Variants in GABPB1 observed in about 807,000 individuals in gnomAD.
The protein encoded by GABPB1 is GA binding protein transcription factor subunit beta 1.
GABPB1 carries 15 observed loss-of-function variants against 45.9 expected under a neutral mutation model. The observed-to-expected ratio is 0.33, with a 90% CI of 0.22 to 0.50. The LOEUF (loss-of-function observed/expected upper bound fraction) is 0.50. GABPB1 is among the 20% of genes least tolerant of loss of function. The pLI is 0.98. For synonymous variants in GABPB1, 143 were observed against 154.4 expected (o/e 0.93, Z 0.55); for missense variants, 252 against 457.5 (o/e 0.55, Z 4.10).
At chr15:50,282,573 A>AAAAAAAAAAAAAAAAAAAAAAAAG (rs2046019671) in intron 8 of GABPB1, among the ~76,000 whole-genome samples, 1 of 150,940 alleles carries the variant, frequency 6.6e-6, no homozygotes, top group African/African-American at 2.4e-5. Context: ...AAAAAAAAAA[A>AAAAAAAAAAAAAAAAAAAAAAAAG]AACAGAGACG....
At position 50,275,599 on chromosome 15, in the gene GABPB1, C is replaced by A. The variant is rs1332823175; in HGVS notation, c.*3033G>T. ...TGTAGCTTTCATTACATGAGATTTC[C>A]CATTTATCCTCTTTTCTCTCTAATT... On this transcript the variant is annotated 3_prime_UTR_variant, in exon 9 of 9. Coordinates refer to ENST00000380877, the MANE Select transcript of GABPB1 (RefSeq NM_016654.5). The A allele has an allele frequency of 6.6e-6, 1 of 152,092 alleles. No homozygotes were observed. Among genetic ancestry groups the A allele is most frequent in the Non-Finnish European group, 1.5e-5 (1 of 67,998 alleles). The allele number at this position is 152,092 out of a possible 1,614,324, so 9.4% of individuals were successfully genotyped here. A position where few individuals can be genotyped will look rare whatever the true frequency, so the allele number is the denominator to read the frequency against.
chr15:50,322,138 C>T (rs1000412797), intron 1 of GABPB1, among the ~76,000 whole-genome samples: 1 of 152,168 alleles, frequency 6.6e-6, no homozygotes, highest in Admixed American at 6.5e-5. Context: ...GAAGCCAGAA[C>T]TTGTCTAATA....
chr15:50,296,769 C>G (rs1210722800), intron 6 of GABPB1, among the ~76,000 whole-genome samples: 1 of 152,002 alleles, frequency 6.6e-6, no homozygotes, highest in South Asian at 2.1e-4. Flanking sequence ...ATGAGTCTGA[C>G]GATAGATTTT....
intron 1 of GABPB1, among the ~76,000 whole-genome samples, chr15:50,337,102 TA>T (rs2048169397): frequency 2.8e-4 from 2 of 7,242 alleles, no homozygotes; most frequent in Non-Finnish European, 5.1e-4. Context: ...TATATATATA[TA>T]TATATATATA....
chr15:50,300,984 A>G (rs2046721550), intron 5 of GABPB1, 82 bp from the exon 6 acceptor site: 3 of 910,768 alleles, frequency 3.3e-6, no homozygotes, highest in Admixed American at 4.2e-5. Flanking sequence ...TATCTTACTG[A>G]CTCTTAAACA....
chr15:50,292,992 T>TA (rs72023851), intron 6 of GABPB1, among the ~76,000 whole-genome samples: 56,361 of 149,416 alleles, frequency 0.38, 14,012 homozygotes, highest in African/African-American at 0.72. Context: ...TGTCTACATA[T>TA]AAAAAAAAAA....
chr15:50,335,551 C>T (rs1037200981), intron 1 of GABPB1, among the ~76,000 whole-genome samples: 34 of 152,174 alleles, frequency 2.2e-4, no homozygotes, highest in African/African-American at 8.0e-4. Context: ...TTCTTCAAAG[C>T]TACTAAGGTA....
At chr15:50,336,569 G>A (rs1384588894) in intron 1 of GABPB1, among the ~76,000 whole-genome samples, 1 of 149,946 alleles carries the variant, frequency 6.7e-6, no homozygotes, top group Non-Finnish European at 1.5e-5. Flanking sequence ...TGTGGTCCCA[G>A]CTACTCAGGA....
chr15:50,354,526 A>C, intron 1 of GABPB1: 1 of 448,674 alleles, frequency 2.2e-6, no homozygotes, highest in Non-Finnish European at 4.5e-6. Flanking sequence ...GACAAAGGGT[A>C]CCGCGGCGCC....
At chr15:50,343,491 G>A (rs1224381229) in intron 1 of GABPB1, among the ~76,000 whole-genome samples, 1 of 152,086 alleles carries the variant, frequency 6.6e-6, no homozygotes, top group Non-Finnish European at 1.5e-5. Context: ...CCAGGGAGCA[G>A]CTTTCCCAGA....
At chr15:50,302,812 AC>A (rs1440238780) in intron 4 of GABPB1, 116 bp downstream of exon 4, 1 of 695,844 alleles carries the variant, frequency 1.4e-6, no homozygotes, top group East Asian at 2.8e-5. Context: ...ATCCAAAATA[AC>A]TAAGTCCAAA....
At chr15:50,325,179 T>G (rs77222417) in intron 1 of GABPB1, among the ~76,000 whole-genome samples, 3 of 151,870 alleles carry the variant, frequency 2.0e-5, no homozygotes, top group Non-Finnish European at 4.4e-5. Flanking sequence ...ATTGTTTCCA[T>G]GAGGAAGAGG....
At chr15:50,354,361 G>A (rs866045772) in intron 1 of GABPB1, 1 of 449,788 alleles carries the variant, frequency 2.2e-6, no homozygotes, top group Non-Finnish European at 4.5e-6. Context: ...CCCCGCGCGG[G>A]ACTGGCCAGG....
intron 1 of GABPB1, among the ~76,000 whole-genome samples, chr15:50,311,924 C>T (rs1303606893): frequency 6.6e-6 from 1 of 152,024 alleles, no homozygotes; most frequent in Non-Finnish European, 1.5e-5. Flanking sequence ...GAAGAGGTAA[C>T]CAGGGACAGA....
intron 1 of GABPB1, among the ~76,000 whole-genome samples, chr15:50,313,879 T>G (rs2047216733): frequency 6.6e-6 from 1 of 152,168 alleles, no homozygotes; most frequent in Non-Finnish European, 1.5e-5. Flanking sequence ...CAAATTACAT[T>G]GTATGACTGT....
chr15:50,310,161 T>C (rs1280056163), intron 1 of GABPB1, among the ~76,000 whole-genome samples: 1 of 152,184 alleles, frequency 6.6e-6, no homozygotes, highest in African/African-American at 2.4e-5. Context: ...GGCACGATGT[T>C]GGCTCACTGC....
chr15:50,286,940 G>A (rs1005168726), intron 7 of GABPB1, among the ~76,000 whole-genome samples: 1 of 151,980 alleles, frequency 6.6e-6, no homozygotes, highest in Non-Finnish European at 1.5e-5. Context: ...ATTGTTCCAC[G>A]GCCTTTAAAA....
chr15:50,353,599 A>G (rs2048946990), intron 1 of GABPB1: 1 of 152,080 alleles, frequency 6.6e-6, no homozygotes, highest in African/African-American at 2.4e-5. Flanking sequence ...CCAAGAGAAA[A>G]GAAAATAAAG....
intron 7 of GABPB1, 73 bp from the exon 8 acceptor site, chr15:50,286,256 T>C: frequency 4.0e-6 from 4 of 1,011,332 alleles, no homozygotes; most frequent in Non-Finnish European, 5.4e-6. Flanking sequence ...AGTCTTGACA[T>C]TGTTGATGCT....
Sources: allele counts gnomAD v4.1 joint callset (sites outside exome capture counted in the v4.1 genomes callset), GRCh38; gene constraint gnomAD v4.1.1; transcripts MANE v1.5; gene names NCBI Gene and HGNC (gene_info 2026-07-23, HGNC 2026-07-21).